FGF14: variants seen among roughly 807,000 people sequenced by gnomAD.
The protein encoded by FGF14 is fibroblast growth factor homologous factor 4.
Under a neutral mutation model 25.5 loss-of-function variants are expected in FGF14, and 5 were observed. The ratio of observed to expected loss-of-function variants is 0.20; its 90% confidence interval spans 0.10 to 0.41. The LOEUF is 0.41. Among genes scored for constraint, FGF14 ranks in the 10% least tolerant of loss-of-function variants. The pLI is 1.00. For synonymous variants in FGF14, 138 were observed against 118.3 expected, an observed-to-expected ratio of 1.17 and a Z score of -1.08; for missense variants, 222 against 320.1, an observed-to-expected ratio of 0.69 and a Z score of 2.34.
At chr13:101,803,227 C>A (rs2040996286) in intron 3 of FGF14, among the ~76,000 whole-genome samples, 1 of 150,686 alleles carries the variant, frequency 6.6e-6, no homozygotes, top group South Asian at 2.1e-4. Flanking sequence ...CTCCCAGGAT[C>A]AAGGGATCAT....
chr13:101,715,021 A>C lies in FGF14; in HGVS notation c.*7810T>G. 1 of 165,876 alleles carries C rather than the reference A, an allele frequency of 6.0e-6. No individual in the cohort carries two copies. Among genetic ancestry groups the C allele is most frequent in the Non-Finnish European group, 1.3e-5 (1 of 76,566 alleles). 10.3% of individuals were successfully genotyped at this position (165,876 alleles called of 1,614,324 possible). A position where few individuals can be genotyped will look rare whatever the true frequency, so the allele number is the denominator to read the frequency against. ...GCCGTGTCATAGCCACTGCTATCCT[A>C]ATTTATTGAGTCCTCATAATTGGTT... On this transcript the variant is annotated 3_prime_UTR_variant, in exon 5 of 5. Coordinates refer to ENST00000376143, the MANE Select transcript of FGF14 (RefSeq NM_004115.4).
chr13:101,951,150 G>C (rs979391203), intron 1 of FGF14, among the ~76,000 whole-genome samples: 6 of 152,120 alleles, frequency 3.9e-5, no homozygotes, highest in African/African-American at 7.2e-5. Flanking sequence ...TCATATCATT[G>C]AAGATTCTAT....
intron 1 of FGF14, among the ~76,000 whole-genome samples, chr13:101,926,854 T>A (rs913220762): frequency 4.6e-5 from 7 of 152,174 alleles, no homozygotes; most frequent in African/African-American, 1.7e-4. Context: ...TAGGTAAGAA[T>A]TTGCCTTAAC....
At chr13:102,226,376 G>A (rs2050825791) in intron 1 of FGF14, among the ~76,000 whole-genome samples, 1 of 152,126 alleles carries the variant, frequency 6.6e-6, no homozygotes, top group South Asian at 2.1e-4. Flanking sequence ...ATAAATAATA[G>A]CTAGCTATGC....
At chr13:102,161,638 AAGAAG>A (rs2047720498) in intron 1 of FGF14, among the ~76,000 whole-genome samples, 1 of 11,584 alleles carries the variant, frequency 8.6e-5, no homozygotes, top group Non-Finnish European at 1.6e-4. Flanking sequence ...GAAGAAGAAG[AAGAAG>A]AAGAAGAAGA....
At chr13:101,808,663 C>G (rs1425016845) in intron 3 of FGF14, among the ~76,000 whole-genome samples, 1 of 151,990 alleles carries the variant, frequency 6.6e-6, no homozygotes, top group Admixed American at 6.6e-5. Context: ...TACAACACAC[C>G]TGCTATTTAT....
At chr13:101,870,891 T>G (rs2045027224) in intron 2 of FGF14, among the ~76,000 whole-genome samples, 1 of 152,054 alleles carries the variant, frequency 6.6e-6, no homozygotes, top group Admixed American at 6.6e-5. Context: ...AGGTGAAGGT[T>G]GCAGTGAGCC....
intron 1 of FGF14, among the ~76,000 whole-genome samples, chr13:102,236,919 C>G (rs1350038597): frequency 6.6e-6 from 1 of 152,068 alleles, no homozygotes; most frequent in Non-Finnish European, 1.5e-5. Flanking sequence ...GAGGGCCTCC[C>G]AGCAGGAGGG....
At chr13:102,401,340 A>G (rs1024685918) in intron 1 of FGF14, 6 of 832,182 alleles carry the variant, frequency 7.2e-6, no homozygotes, top group African/African-American at 5.0e-5. Context: ...CAACACCTCT[A>G]TATGCAACAC....
At chr13:102,026,502 A>G (rs1454439533) in intron 1 of FGF14, among the ~76,000 whole-genome samples, 1 of 151,954 alleles carries the variant, frequency 6.6e-6, no homozygotes, top group Non-Finnish European at 1.5e-5. Context: ...TCTTGAACAC[A>G]TTAAGTAGAA....
intron 1 of FGF14, among the ~76,000 whole-genome samples, chr13:102,369,746 G>GA (rs2057820336): frequency 6.6e-6 from 1 of 152,024 alleles, no homozygotes; most frequent in African/African-American, 2.4e-5. Context: ...TACATGAACA[G>GA]AAAAATAATG....
intron 1 of FGF14, among the ~76,000 whole-genome samples, chr13:102,284,340 T>C (rs9518693): frequency 0.79 from 119,821 of 152,104 alleles, 48,083 homozygotes; most frequent in African/African-American, 0.95. Context: ...AATTTGTTGA[T>C]GACGGGAATG....
At chr13:102,327,659 A>G (rs941234523) in intron 1 of FGF14, among the ~76,000 whole-genome samples, 1 of 152,036 alleles carries the variant, frequency 6.6e-6, no homozygotes, top group African/African-American at 2.4e-5. Context: ...ACATAGTGAG[A>G]CCCTGCCTCT....
chr13:102,299,677 A>G (rs2054924421), intron 1 of FGF14: 1 of 152,204 alleles, frequency 6.6e-6, no homozygotes, highest in Admixed American at 6.6e-5. Context: ...AGGCCCCGGA[A>G]GCGAGGTCTC....
chr13:101,757,761 C>T (rs1396685496), intron 3 of FGF14, among the ~76,000 whole-genome samples: 1 of 152,060 alleles, frequency 6.6e-6, no homozygotes, highest in African/African-American at 2.4e-5. Context: ...TTTTTATCAG[C>T]GTGTCAAAGA....
chr13:102,238,379 C>T (rs1447371000), intron 1 of FGF14, among the ~76,000 whole-genome samples: 1 of 152,168 alleles, frequency 6.6e-6, no homozygotes, highest in African/African-American at 2.4e-5. Context: ...TTTCAACATG[C>T]TCTTTTATTG....
At chr13:102,240,883 C>A (rs773635985) in intron 1 of FGF14, among the ~76,000 whole-genome samples, 12 of 151,732 alleles carry the variant, frequency 7.9e-5, no homozygotes, top group Non-Finnish European at 1.3e-4. Flanking sequence ...TATCAAAATA[C>A]ATAATAGGAA....
In FGF14 at chr13:101,738,501, G is replaced by A. The variant is rs112439388; in HGVS notation, c.409-11691C>T. ...ATCGGCCATGAGTCCCCAGATTCTGGCAACAACTTGTTTGATAATTCCAAA... is the reference window on the plus strand; with the variant it reads ...ATCGGCCATGAGTCCCCAGATTCTGACAACAACTTGTTTGATAATTCCAAA... On this transcript the variant is annotated intron_variant, in intron 3 of 4. Transcript: ENST00000376143. Among the ~76,000 whole-genome samples, 912 of 152,192 alleles carry A rather than the reference G, an allele frequency of 6.0e-3. 12 individuals carry two copies. The highest frequency in any genetic ancestry group is 0.02 in the African/African-American group (849 of 41,526).
Position 101,868,939 on chromosome 13 carries a change from T to A in FGF14, c.305-111A>T, listed in dbSNP as rs1045887528. The A allele has an allele frequency of 1.1e-5, 8 of 754,576 alleles. No individual in the cohort carries two copies. The African/African-American group carries it at 1.2e-4, about 12-fold the overall frequency. 46.7% of individuals were successfully genotyped at this position (754,576 alleles called of 1,614,324 possible). On this transcript the variant is annotated intron_variant, in intron 2 of 4. Coordinates refer to ENST00000376143, the MANE Select transcript of FGF14 (RefSeq NM_004115.4). ...AGAAACATCATCTTTGCCAATACTT[T>A]CTAGAAATTCCAATTAAATAACTTA...
Sources: allele counts gnomAD v4.1 joint callset (sites outside exome capture counted in the v4.1 genomes callset), GRCh38; gene constraint gnomAD v4.1.1; transcripts MANE v1.5; gene names NCBI Gene and HGNC (gene_info 2026-07-23, HGNC 2026-07-21).